Variants in PDE4D observed in about 807,000 individuals in gnomAD.
The protein encoded by PDE4D is 3',5'-cyclic-AMP phosphodiesterase 4D.
Under a neutral mutation model 87.4 loss-of-function variants are expected in PDE4D, and 24 were observed. That is an observed-to-expected ratio of 0.27 (90% confidence interval 0.20 to 0.39). The LOEUF is 0.39. Among genes scored for constraint, PDE4D ranks in the 10% least tolerant of loss-of-function variants. PDE4D has a pLI of 1.00. For missense variants in PDE4D, 714 were observed against 1,041.0 expected (o/e 0.69, Z 4.32); for synonymous variants, 384 against 383.2 (o/e 1.00, Z -0.02).
intron 5 of PDE4D, among the ~76,000 whole-genome samples, chr5:59,047,008 A>G (rs1423311628): frequency 6.6e-6 from 1 of 152,184 alleles, no homozygotes; most frequent in African/African-American, 2.4e-5. Flanking sequence ...TATTTCACCT[A>G]TAGATTGGAG....
chr5:59,250,230 C>T (rs991076939), intron 1 of PDE4D, among the ~76,000 whole-genome samples: 4 of 151,070 alleles, frequency 2.6e-5, no homozygotes, highest in African/African-American at 9.7e-5. Context: ...GTGGTTCATA[C>T]CTGTAATCCA....
intron 2 of PDE4D, among the ~76,000 whole-genome samples, chr5:60,157,951 T>C (rs1379907888): frequency 3.3e-5 from 5 of 151,906 alleles, no homozygotes; most frequent in Non-Finnish European, 7.4e-5. Context: ...TCTTCGTCTC[T>C]TTCTTTCTTT....
rs573583893 is a variant in PDE4D at position 60,459,469 on chromosome 5, C to T, written c.-90+28473G>A. On this transcript the variant is annotated intron_variant, in intron 1 of 16. Transcript: ENST00000502484. ...ACTGTCCATATTCACATAGAGACAC[C>T]GTGTACTCTCTAAGCCCAAGATACA... 4.5e-4 allele frequency among the ~76,000 whole-genome samples: 69 copies of T among 152,070 alleles called. 1 individual carries two copies. The South Asian group carries it at 8.5e-3, about 19-fold the overall frequency.
intron 1 of PDE4D, among the ~76,000 whole-genome samples, chr5:59,879,910 T>C (rs575888703): frequency 6.6e-6 from 1 of 151,780 alleles, no homozygotes; most frequent in African/African-American, 2.4e-5. Flanking sequence ...CCAGCTAATT[T>C]TTGTATTTTT....
At position 58,976,332 on chromosome 5, in the gene PDE4D, A is replaced by G; in HGVS notation, c.1830+18T>C. Reference sequence around the variant, plus strand: ...GCACAGACACACACACACAGAGCAAACTCAAACAAGGCTTTACCTGAATCC... The same window carrying G: ...GCACAGACACACACACACAGAGCAAGCTCAAACAAGGCTTTACCTGAATCC... On this transcript the variant is annotated intron_variant, in intron 13 of 14. Transcript: ENST00000340635. 6.2e-7 allele frequency: 1 copy of G among 1,611,498 alleles called. No homozygotes were observed. Among genetic ancestry groups the G allele is most frequent in the South Asian group, 1.1e-5 (1 of 90,266 alleles).
chr5:59,530,339 G>A (rs1163115021), intron 1 of PDE4D, among the ~76,000 whole-genome samples: 2 of 151,930 alleles, frequency 1.3e-5, no homozygotes, highest in Admixed American at 6.6e-5. Flanking sequence ...ATGAAACTTG[G>A]CCTCAATTAG....
At chr5:59,761,835 T>C (rs1025435777) in intron 1 of PDE4D, among the ~76,000 whole-genome samples, 21 of 152,110 alleles carry the variant, frequency 1.4e-4, no homozygotes, top group Admixed American at 4.6e-4. Flanking sequence ...CATAAATACA[T>C]AAACCAGCAA....
At chr5:60,100,200 T>G (rs1286930298) in intron 2 of PDE4D, among the ~76,000 whole-genome samples, 1 of 152,024 alleles carries the variant, frequency 6.6e-6, no homozygotes, top group Admixed American at 6.6e-5. Context: ...GGAAATTATG[T>G]ATATGTATAT....
chr5:59,980,917 A>G (rs923511680), intron 3 of PDE4D, among the ~76,000 whole-genome samples: 3 of 152,194 alleles, frequency 2.0e-5, no homozygotes, highest in African/African-American at 7.2e-5. Context: ...GATATTTTAA[A>G]GTGCTCCATC....
chr5:59,513,252 A>C (rs1182260711), intron 1 of PDE4D, among the ~76,000 whole-genome samples: 1 of 152,194 alleles, frequency 6.6e-6, no homozygotes, highest in Non-Finnish European at 1.5e-5. Flanking sequence ...AATTATCTAC[A>C]GGAATATGCC....
At chr5:58,999,894 G>A in intron 6 of PDE4D, 1 of 986,356 alleles carries the variant, frequency 1.0e-6, no homozygotes, top group Middle Eastern at 5.2e-4. Flanking sequence ...TTAGTTGCAA[G>A]AAAGGCTAGT....
chr5:59,031,156 T>C (rs951920789), intron 6 of PDE4D, among the ~76,000 whole-genome samples: 1 of 151,996 alleles, frequency 6.6e-6, no homozygotes, highest in Admixed American at 6.6e-5. Flanking sequence ...ACCACCATTA[T>C]TGAAAATAGT....
intron 1 of PDE4D, among the ~76,000 whole-genome samples, chr5:59,346,881 A>ATT (rs1779701302): frequency 6.6e-6 from 1 of 152,216 alleles, no homozygotes; most frequent in African/African-American, 2.4e-5. Flanking sequence ...GAGATAAACA[A>ATT]TTATTTGAGC....
intron 1 of PDE4D, among the ~76,000 whole-genome samples, chr5:59,241,667 CAG>C (rs1757708583): frequency 6.6e-6 from 1 of 152,172 alleles, no homozygotes; most frequent in Admixed American, 6.6e-5. Context: ...CACTGACACT[CAG>C]GGGACTAAGT....
chr5:59,114,081 T>C (rs1332121075), intron 5 of PDE4D, among the ~76,000 whole-genome samples: 1 of 152,190 alleles, frequency 6.6e-6, no homozygotes, highest in Non-Finnish European at 1.5e-5. Flanking sequence ...GTTGCAAAGA[T>C]GATGTAAATG....
At chr5:59,344,607 C>G (rs1354274734) in intron 1 of PDE4D, among the ~76,000 whole-genome samples, 1 of 152,090 alleles carries the variant, frequency 6.6e-6, no homozygotes, top group African/African-American at 2.4e-5. Context: ...CTCTGTAGCA[C>G]AGGCTGGTGT....
chr5:59,080,764 T>G (rs1396185799), intron 5 of PDE4D, among the ~76,000 whole-genome samples: 1 of 152,208 alleles, frequency 6.6e-6, no homozygotes, highest in Non-Finnish European at 1.5e-5. Flanking sequence ...AATGTAAGAC[T>G]CACAAATGAG....
At chr5:60,321,179 G>T (rs1472843938) in intron 1 of PDE4D, among the ~76,000 whole-genome samples, 1 of 152,150 alleles carries the variant, frequency 6.6e-6, no homozygotes, top group African/African-American at 2.4e-5. Context: ...AAAACAGCAT[G>T]ATACAGGTAC....
chr5:59,442,922 T>C (rs985363465), intron 1 of PDE4D, among the ~76,000 whole-genome samples: 2 of 152,230 alleles, frequency 1.3e-5, no homozygotes, highest in Non-Finnish European at 2.9e-5. Flanking sequence ...GAAAAGCAAC[T>C]CTTTTTAACC....
Sources: allele counts gnomAD v4.1 joint callset (sites outside exome capture counted in the v4.1 genomes callset), GRCh38; gene constraint gnomAD v4.1.1; transcripts MANE v1.5; gene names NCBI Gene and HGNC (gene_info 2026-07-23, HGNC 2026-07-21).